SSBP2: variants seen among roughly 807,000 people sequenced by gnomAD.
SSBP2 encodes single stranded DNA binding protein 2.
Under a neutral mutation model 61.8 loss-of-function variants are expected in SSBP2, and 17 were observed. The observed-to-expected ratio is 0.28, with a 90% CI of 0.19 to 0.41. SSBP2 has a LOEUF of 0.41. Ranked by LOEUF, SSBP2 falls within the 10% of genes least tolerant of loss-of-function variation. The probability of loss-of-function intolerance (pLI) is 1.00; values close to 1 mark genes in which losing one functional copy is unlikely to be tolerated. For synonymous variants in SSBP2, 139 were observed against 141.3 expected, an observed-to-expected ratio of 0.98 and a Z score of 0.12; for missense variants, 310 against 458.7, an observed-to-expected ratio of 0.68 and a Z score of 2.96.
At chr5:81,550,318 A>G (rs1293027513) in intron 4 of SSBP2, among the ~76,000 whole-genome samples, 1 of 152,156 alleles carries the variant, frequency 6.6e-6, no homozygotes. Flanking sequence ...CAAAACTGCA[A>G]ATTCCTTGAG....
chr5:81,590,895 C>T (rs1039144529), intron 4 of SSBP2, among the ~76,000 whole-genome samples: 5 of 152,114 alleles, frequency 3.3e-5, no homozygotes, highest in Non-Finnish European at 5.9e-5. Flanking sequence ...TAAACCAGGA[C>T]GTCCCCTAAC....
intron 1 of SSBP2, among the ~76,000 whole-genome samples, chr5:81,734,970 CAAAAA>C (rs11350574): frequency 1.4e-5 from 1 of 70,524 alleles, no homozygotes; most frequent in Admixed American, 1.8e-4. Context: ...GACTCCATCT[CAAAAA>C]AAAAAAAAAA....
At chr5:81,444,519 T>C (rs1763246612) in intron 12 of SSBP2, among the ~76,000 whole-genome samples, 1 of 152,146 alleles carries the variant, frequency 6.6e-6, no homozygotes, top group Admixed American at 6.5e-5. Context: ...TAGGACATAA[T>C]AAGCTCATGG....
chr5:81,685,031 G>T (rs899016534), intron 1 of SSBP2, among the ~76,000 whole-genome samples: 2 of 152,024 alleles, frequency 1.3e-5, no homozygotes, highest in African/African-American at 4.8e-5. Flanking sequence ...TCTTGTGATA[G>T]TGAGTTCTCA....
Position 81,435,157 on chromosome 5 carries a change from G to A in SSBP2, c.957+2273C>T, listed in dbSNP as rs190568363. 2.0e-5 allele frequency among the ~76,000 whole-genome samples: 3 copies of A among 152,200 alleles called. No individual in the cohort carries two copies. The East Asian group carries it at 5.8e-4, about 29-fold the overall frequency. ...GTTAAGTGGCATGTTTATGACTAGG[G>A]GGATAAATCTTATGTAATTTAAATG... On this transcript the variant is annotated intron_variant, in intron 15 of 16. Coordinates refer to ENST00000320672, the MANE Select transcript of SSBP2 (RefSeq NM_012446.5).
intron 10 of SSBP2, among the ~76,000 whole-genome samples, chr5:81,453,705 C>T (rs549626413): frequency 2.1e-3 from 324 of 152,266 alleles, no homozygotes; most frequent in Non-Finnish European, 3.7e-3. Flanking sequence ...ATCCGCCTGC[C>T]TCGGCCTCCC....
intron 6 of SSBP2, among the ~76,000 whole-genome samples, chr5:81,477,416 T>C (rs911876981): frequency 6.6e-6 from 1 of 152,250 alleles, no homozygotes; most frequent in African/African-American, 2.4e-5. Flanking sequence ...TACTTCAGGA[T>C]TATTTTTAGT....
Position 81,417,809 on chromosome 5 carries a change from T to A in SSBP2, c.*2695A>T, listed in dbSNP as rs541565931. ...TTTTTCAACTATTTCAGGAAATTTT[T>A]AAATCTAAAATAACTCTTTTTAATC... On this transcript the variant is annotated 3_prime_UTR_variant, in exon 17 of 17. Coordinates refer to ENST00000320672, the MANE Select transcript of SSBP2 (RefSeq NM_012446.5). 1 of 152,166 alleles carries A rather than the reference T, an allele frequency of 6.6e-6. No homozygotes were observed. Among genetic ancestry groups the A allele is most frequent in the South Asian group, 2.1e-4 (1 of 4,802 alleles). The allele number at this position is 152,166 out of a possible 1,614,324, so 9.4% of individuals were successfully genotyped here. A position where few individuals can be genotyped will look rare whatever the true frequency, so the allele number is the denominator to read the frequency against.
intron 4 of SSBP2, among the ~76,000 whole-genome samples, chr5:81,529,665 T>C (rs1237478286): frequency 1.3e-5 from 2 of 151,988 alleles, no homozygotes; most frequent in Non-Finnish European, 2.9e-5. Flanking sequence ...GTTAAAGTGA[T>C]GTAAAGGAAT....
At chr5:81,493,476 C>T (rs1767041895) in intron 5 of SSBP2, among the ~76,000 whole-genome samples, 1 of 152,022 alleles carries the variant, frequency 6.6e-6, no homozygotes, top group Admixed American at 6.6e-5. Context: ...AAATTGCAGG[C>T]CGGACGTGGT....
intron 10 of SSBP2, among the ~76,000 whole-genome samples, chr5:81,452,082 T>TA (rs1763815169): frequency 6.6e-6 from 1 of 152,026 alleles, no homozygotes; most frequent in Non-Finnish European, 1.5e-5. Context: ...AGAACTGCTA[T>TA]AAAAAACAAA....
intron 3 of SSBP2, among the ~76,000 whole-genome samples, chr5:81,633,662 C>T (rs552509055): frequency 6.6e-6 from 1 of 152,250 alleles, no homozygotes; most frequent in Admixed American, 6.5e-5. Flanking sequence ...CGCACCACTG[C>T]ACCCAGCTTC....
intron 3 of SSBP2, among the ~76,000 whole-genome samples, chr5:81,617,953 C>T (rs568488943): frequency 1.2e-4 from 16 of 136,328 alleles, no homozygotes; most frequent in African/African-American, 3.8e-4. Context: ...CTGAAGCAAG[C>T]GCTAAACATG....
chr5:81,729,932 C>A (rs974636915), intron 1 of SSBP2, among the ~76,000 whole-genome samples: 3 of 152,100 alleles, frequency 2.0e-5, no homozygotes, highest in Non-Finnish European at 4.4e-5. Context: ...ACTAGATAGA[C>A]TAAATCACAT....
intron 3 of SSBP2, among the ~76,000 whole-genome samples, chr5:81,633,147 A>C (rs1581213805): frequency 9.0e-6 from 1 of 110,788 alleles, no homozygotes; most frequent in East Asian, 2.7e-4. Context: ...AGAGAGTCTC[A>C]CTCTGTCACC....
At chr5:81,723,147 C>T (rs1755649331) in intron 1 of SSBP2, among the ~76,000 whole-genome samples, 1 of 151,948 alleles carries the variant, frequency 6.6e-6, no homozygotes, top group African/African-American at 2.4e-5. Context: ...AATAAAAGGA[C>T]TACGTTGAAT....
intron 1 of SSBP2, among the ~76,000 whole-genome samples, chr5:81,720,765 G>A (rs1165457296): frequency 1.3e-5 from 2 of 152,112 alleles, no homozygotes; most frequent in Non-Finnish European, 2.9e-5. Context: ...GACATCATAC[G>A]GAACAGTAGA....
At chr5:81,711,634 A>G (rs2153936323) in intron 1 of SSBP2, among the ~76,000 whole-genome samples, 1 of 151,804 alleles carries the variant, frequency 6.6e-6, no homozygotes, top group East Asian at 1.9e-4. Flanking sequence ...ACTATTTATG[A>G]TAAATAAAGC....
chr5:81,732,764 T>C (rs976654274), intron 1 of SSBP2, among the ~76,000 whole-genome samples: 2 of 152,200 alleles, frequency 1.3e-5, no homozygotes, highest in Admixed American at 6.5e-5. Context: ...CAAGTGCACC[T>C]ATAACAAAAG....
Sources: allele counts gnomAD v4.1 joint callset (sites outside exome capture counted in the v4.1 genomes callset), GRCh38; gene constraint gnomAD v4.1.1; transcripts MANE v1.5; gene names NCBI Gene and HGNC (gene_info 2026-07-23, HGNC 2026-07-21).